The following DYRK1A variants were observed in gnomAD, a reference collection of about 807,000 sequenced individuals.
The protein encoded by DYRK1A is dual specificity tyrosine-phosphorylation-regulated kinase 1A.
DYRK1A carries 9 observed loss-of-function variants against 79.7 expected under a neutral mutation model. The ratio of observed to expected loss-of-function variants is 0.11; its 90% CI spans 0.07 to 0.20. DYRK1A has a LOEUF of 0.20. DYRK1A is among the 10% of genes least tolerant of loss of function. The pLI, the probability that DYRK1A is intolerant of heterozygous loss-of-function variation, is 1.00. For missense variants in DYRK1A, 622 were observed against 956.0 expected (o/e 0.65, Z 4.61); for synonymous variants, 349 against 329.7 (o/e 1.06, Z -0.63).
rs1259494967 is a variant in DYRK1A at position 37,526,045 on chromosome 21, A to G, written c.*13514A>G. ...GTGTTAAGTGATTTCAAGAAGAACT[A>G]TTGTTTGAATCACAACTAATGTTAC... On this transcript the variant is annotated 3_prime_UTR_variant, in exon 12 of 12. Transcript: ENST00000647188. The G allele has an allele frequency of 6.6e-5, 10 of 152,230 alleles. No individual in the cohort carries two copies. Among genetic ancestry groups the G allele is most frequent in the Admixed American group, 1.3e-4 (2 of 15,286 alleles). 9.4% of individuals were successfully genotyped at this position (152,230 alleles called of 1,614,324 possible).
intron 2 of DYRK1A, among the ~76,000 whole-genome samples, chr21:37,470,382 GTA>G (rs1244289854): frequency 2.0e-5 from 3 of 152,114 alleles, no homozygotes; most frequent in Non-Finnish European, 4.4e-5. Context: ...TTTAAACATA[GTA>G]TATAACAGTG....
At chr21:37,480,106 C>G (rs1240722917) in intron 4 of DYRK1A, among the ~76,000 whole-genome samples, 1 of 152,140 alleles carries the variant, frequency 6.6e-6, no homozygotes, top group Non-Finnish European at 1.5e-5. Context: ...TGGTCTACAT[C>G]TGAACTTATT....
intron 1 of DYRK1A, among the ~76,000 whole-genome samples, chr21:37,397,070 G>T (rs1426403561): frequency 6.6e-6 from 1 of 152,168 alleles, no homozygotes; most frequent in Non-Finnish European, 1.5e-5. Flanking sequence ...AGACAGAATA[G>T]AAATGCTCAC....
Position 37,490,186 on chromosome 21 carries a change from C to T in DYRK1A, c.649C>T (p.Arg217Cys), listed in dbSNP as rs1462221945. The change falls in exon 7 of 12, where the codon CGC becomes TGC. Residue 217 changes from arginine to cysteine, a missense_variant. Around this residue, in one of 5 missense-constraint regions of DYRK1A, gnomAD observed 138 missense variants for 346.4 expected, o/e 0.40. Transcript: ENST00000647188. ...GTTTTCTCTTTCAGTGCATTTGAAA[C>T]GCCACTTTATGTTTCGAAACCATCT... ...EMKYYIVHLK[R>C]HFMFRNHLCL... is the part of the protein sequence containing the mutation. 6.8e-6 allele frequency: 11 copies of T among 1,611,050 alleles called. No homozygotes were observed. The highest frequency in any genetic ancestry group is 2.2e-5 in the South Asian group (2 of 90,842).
At chr21:37,460,819 T>C (rs962284278) in intron 2 of DYRK1A, among the ~76,000 whole-genome samples, 3 of 152,216 alleles carry the variant, frequency 2.0e-5, no homozygotes, top group Non-Finnish European at 4.4e-5. Context: ...TTATCTGCTT[T>C]ATTCATTCTT....
chr21:37,366,268 TCCCCCG>T (rs2049300996), upstream of DYRK1A: 1 of 139,880 alleles, frequency 7.1e-6, no homozygotes, highest in Admixed American at 6.9e-5. Context: ...CTCCTCCCCC[TCCCCCG>T]CCCGGGGCAG....
intron 2 of DYRK1A, among the ~76,000 whole-genome samples, chr21:37,465,511 T>A (rs1188718908): frequency 6.6e-6 from 1 of 152,200 alleles, no homozygotes; most frequent in Non-Finnish European, 1.5e-5. Flanking sequence ...CTTTTCAAAA[T>A]AGTATTGGCA....
At chr21:37,479,795 T>C (rs940987124) in intron 4 of DYRK1A, among the ~76,000 whole-genome samples, 6 of 151,586 alleles carry the variant, frequency 4.0e-5, no homozygotes, top group Non-Finnish European at 7.4e-5. Context: ...GCCCAGCTAA[T>C]TTTTTGTATT....
intron 1 of DYRK1A, among the ~76,000 whole-genome samples, chr21:37,392,434 C>CTCTAACAAAATACCTTGGACTGAATAA (rs2049887724): frequency 6.6e-6 from 1 of 152,164 alleles, no homozygotes; most frequent in African/African-American, 2.4e-5. Flanking sequence ...GTTTGTGCTG[C>CTCTAACAAAATACCTTGGACTGAATAA]TCTAACAAAA....
intron 11 of DYRK1A, among the ~76,000 whole-genome samples, chr21:37,511,034 C>A (rs2053735218): frequency 6.6e-6 from 1 of 152,072 alleles, no homozygotes; most frequent in Non-Finnish European, 1.5e-5. Flanking sequence ...ATAAGAAAAT[C>A]CAAGAAATAA....
chr21:37,492,048 A>G (rs886704356), intron 7 of DYRK1A, among the ~76,000 whole-genome samples: 4 of 152,232 alleles, frequency 2.6e-5, no homozygotes, highest in Non-Finnish European at 5.9e-5. Flanking sequence ...AGTTCTTGGC[A>G]TAAGCTGTGA....
chr21:37,494,700 C>T (rs1242861498), intron 8 of DYRK1A, among the ~76,000 whole-genome samples: 1 of 152,042 alleles, frequency 6.6e-6, no homozygotes, highest in Non-Finnish European at 1.5e-5. Flanking sequence ...GTAGTCGCAG[C>T]ACTTTGGGAG....
chr21:37,512,364 C>G lies in DYRK1A; in HGVS notation c.2098C>G (p.Arg700Gly). The G allele has an allele frequency of 6.2e-7, 1 of 1,614,216 alleles. No individual in the cohort carries two copies. Among genetic ancestry groups the G allele is most frequent in the African/African-American group, 1.3e-5 (1 of 75,060 alleles). Residue 700 changes from arginine (R) to glycine (G), a missense_variant, in exon 12 of 12, where the codon CGC becomes GGC. Physicochemically the swap from Arg to Gly is moderately radical, Grantham distance 125 (BLOSUM62 -2). Transcript: ENST00000647188. ...TAATTTGACCGTCTACTCCAATCCCCGCCAAGAGACTGGCATAGCTGGACA... is the reference window on the plus strand; with the variant it reads ...TAATTTGACCGTCTACTCCAATCCCGGCCAAGAGACTGGCATAGCTGGACA... ...DVNLTVYSNP[R>G]QETGIAGHPT... is the part of the protein sequence containing the mutation.
chr21:37,427,121 A>AT (rs543857480), intron 2 of DYRK1A, among the ~76,000 whole-genome samples: 3 of 152,148 alleles, frequency 2.0e-5, no homozygotes, highest in South Asian at 2.1e-4. Flanking sequence ...TGCTTTGCAG[A>AT]TTTTTTTTAA....
chr21:37,437,999 T>C (rs1308140942), intron 2 of DYRK1A, among the ~76,000 whole-genome samples: 1 of 152,218 alleles, frequency 6.6e-6, no homozygotes, highest in Non-Finnish European at 1.5e-5. Flanking sequence ...GCTTCACATT[T>C]TGCCATATTT....
chr21:37,422,557 T>G (rs2050504722), intron 2 of DYRK1A, among the ~76,000 whole-genome samples: 1 of 152,148 alleles, frequency 6.6e-6, no homozygotes, highest in Non-Finnish European at 1.5e-5. Flanking sequence ...TAACTTACTC[T>G]CATCTTTTCC....
At chr21:37,454,643 A>G (rs2051574991) in intron 2 of DYRK1A, among the ~76,000 whole-genome samples, 1 of 152,226 alleles carries the variant, frequency 6.6e-6, no homozygotes, top group African/African-American at 2.4e-5. Flanking sequence ...TATTGGGTTA[A>G]TGGAAAACAC....
In DYRK1A at chr21:37,515,328, G is replaced by A. The variant is rs2053867163; in HGVS notation, c.*2797G>A. 1 of 152,764 alleles carries A rather than the reference G, an allele frequency of 6.5e-6. No individual in the cohort carries two copies. The highest frequency in any genetic ancestry group is 1.9e-4 in the East Asian group (1 of 5,196). The allele number at this position is 152,764 out of a possible 1,614,324, so 9.5% of individuals were successfully genotyped here. A position where few individuals can be genotyped will look rare whatever the true frequency, so the allele number is the denominator to read the frequency against. ...AAAAGGAAACTATTTGAGATACATTGACATAGGCATCAGCAATCTCTGAAA... is the reference window on the plus strand; with the variant it reads ...AAAAGGAAACTATTTGAGATACATTAACATAGGCATCAGCAATCTCTGAAA... On this transcript the variant is annotated 3_prime_UTR_variant, in exon 12 of 12. Transcript: ENST00000647188.
At chr21:37,432,201 G>A (rs1555964214) in intron 2 of DYRK1A, among the ~76,000 whole-genome samples, 1 of 151,214 alleles carries the variant, frequency 6.6e-6, no homozygotes, top group Admixed American at 6.6e-5. Context: ...TTTTTGTTCT[G>A]GGAAAGGGAG....
Sources: allele counts gnomAD v4.1 joint callset (sites outside exome capture counted in the v4.1 genomes callset), GRCh38; gene constraint gnomAD v4.1.1; regional missense constraint gnomAD v4.1.1; transcripts MANE v1.5; gene names NCBI Gene and HGNC (gene_info 2026-07-23, HGNC 2026-07-21).